The following NTRK2 variants were observed in gnomAD, a reference collection of about 807,000 sequenced individuals.
NTRK2 encodes BDNF/NT-3 growth factors receptor.
A neutral mutation model predicts 94.5 loss-of-function variants in NTRK2; 13 were observed. The ratio of observed to expected loss-of-function variants is 0.14; its 90% CI spans 0.09 to 0.22. The LOEUF (loss-of-function observed/expected upper bound fraction) is 0.22, where lower values mean the gene tolerates loss of function less well. Among genes scored for constraint, NTRK2 ranks in the 10% least tolerant of loss-of-function variants. The pLI is 1.00. For missense variants in NTRK2, 639 were observed against 1,071.2 expected (o/e 0.60, Z 5.63); for synonymous variants, 372 against 407.4 (o/e 0.91, Z 1.05).
At chr9:84,847,206 T>A (rs1166348990) in intron 12 of NTRK2, among the ~76,000 whole-genome samples, 1 of 152,180 alleles carries the variant, frequency 6.6e-6, no homozygotes, top group Non-Finnish European at 1.5e-5. Flanking sequence ...AACAGGCCAA[T>A]TCAACATTAG....
intron 17 of NTRK2, among the ~76,000 whole-genome samples, chr9:84,990,901 C>T (rs1304840500): frequency 1.3e-5 from 2 of 152,132 alleles, no homozygotes; most frequent in Non-Finnish European, 2.9e-5. Flanking sequence ...GGATCACCCC[C>T]ACCCCTCACT....
intron 12 of NTRK2, among the ~76,000 whole-genome samples, chr9:84,779,671 C>T (rs1007376149): frequency 1.6e-4 from 25 of 152,132 alleles, no homozygotes; most frequent in African/African-American, 6.0e-4. Flanking sequence ...AAGAACATCA[C>T]AGTAGTTGTG....
intron 12 of NTRK2, among the ~76,000 whole-genome samples, chr9:84,805,024 G>T (rs781141051): frequency 4.6e-5 from 7 of 152,152 alleles, no homozygotes; most frequent in African/African-American, 1.4e-4. Context: ...ATGGGGCAAT[G>T]GTATCAGTCT....
intron 14 of NTRK2, among the ~76,000 whole-genome samples, chr9:84,903,315 G>C (rs114540757): frequency 0.012 from 1,877 of 152,290 alleles, 42 homozygotes; most frequent in African/African-American, 0.043. Context: ...CTGGAAGGCA[G>C]CTTTTGCTGC....
At chr9:84,874,105 A>G in intron 14 of NTRK2, 2 of 1,064,680 alleles carry the variant, frequency 1.9e-6, no homozygotes, top group Non-Finnish European at 2.3e-6. Flanking sequence ...GAGTGTGTGT[A>G]CCAACAGGAT....
intron 12 of NTRK2, among the ~76,000 whole-genome samples, chr9:84,848,192 A>G (rs979441872): frequency 7.9e-5 from 12 of 152,098 alleles, no homozygotes; most frequent in African/African-American, 2.4e-4. Context: ...GAACTCATTT[A>G]CCTTAATTAC....
chr9:84,895,699 G>A (rs914512416), intron 14 of NTRK2, among the ~76,000 whole-genome samples: 3 of 152,210 alleles, frequency 2.0e-5, no homozygotes, highest in South Asian at 2.1e-4. Context: ...TGAGCAAATC[G>A]ATAGAGTGTT....
intron 9 of NTRK2, among the ~76,000 whole-genome samples, chr9:84,739,328 G>T (rs781519947): frequency 5.9e-5 from 9 of 152,332 alleles, no homozygotes; most frequent in Non-Finnish European, 1.3e-4. Flanking sequence ...TGGGATTACA[G>T]GTGTGAGTCA....
intron 2 of NTRK2, among the ~76,000 whole-genome samples, chr9:84,693,188 C>T (rs1281785469): frequency 6.6e-6 from 1 of 152,176 alleles, no homozygotes; most frequent in Non-Finnish European, 1.5e-5. Flanking sequence ...ATCCCGACCA[C>T]GTGCTTTTGA....
chr9:84,691,231 C>T (rs988693011), intron 2 of NTRK2, among the ~76,000 whole-genome samples: 41 of 152,172 alleles, frequency 2.7e-4, no homozygotes, highest in African/African-American at 2.7e-4. Flanking sequence ...AGTGATGTAA[C>T]GCACAGTTTT....
At position 84,727,908 on chromosome 9, in the gene NTRK2, G is replaced by T. The variant is rs2062572285; in HGVS notation, c.1108G>T (p.Asp370Tyr). The T allele has an allele frequency of 1.2e-6, 2 of 1,614,104 alleles. No homozygotes were observed. Among genetic ancestry groups the T allele is most frequent in the South Asian group, 1.1e-5 (1 of 91,086 alleles). Residue 370 changes from aspartate (D) to tyrosine (Y), a missense_variant, in exon 9 of 19, where the codon GAT (aspartate) becomes TAT (tyrosine). By Grantham distance (160) the Asp-to-Tyr change is radical. Transcript: ENST00000277120. ...TLIAKNEYGK[D>Y]EKQISAHFMG... ...AATAGCCAAGAATGAGTATGGGAAG[G>T]ATGAGAAACAGATTTCTGCTCACTT...
chr9:84,784,457 T>C (rs2067925767), intron 12 of NTRK2, among the ~76,000 whole-genome samples: 2 of 152,172 alleles, frequency 1.3e-5, no homozygotes, highest in African/African-American at 4.8e-5. Context: ...TACTCTTTCT[T>C]CATGGTGCTG....
At position 84,758,149 on chromosome 9, in the gene NTRK2, C is replaced by A. The variant is rs142487277; in HGVS notation, c.1396+6064C>A. ...AATTATATATATATATTTATTTATT[C>A]ATGATATTTGTGGCTCATATTTTCT... On this transcript the variant is annotated intron_variant, in intron 12 of 18. Coordinates refer to ENST00000277120, the MANE Select transcript of NTRK2 (RefSeq NM_006180.6). Among the ~76,000 whole-genome samples the A allele has an allele frequency of 5.0e-4, 75 of 151,386 alleles. 1 individual carries two copies. The highest frequency in any genetic ancestry group is 1.8e-3 in the African/African-American group (73 of 41,364).
chr9:84,957,448 C>T (rs1824281001), intron 17 of NTRK2, among the ~76,000 whole-genome samples: 1 of 152,126 alleles, frequency 6.6e-6, no homozygotes, highest in African/African-American at 2.4e-5. Context: ...GGAGAAGGTT[C>T]TGAATAGACA....
chr9:84,967,445 C>G (rs1054433646), intron 17 of NTRK2, among the ~76,000 whole-genome samples: 1 of 152,218 alleles, frequency 6.6e-6, no homozygotes, highest in Non-Finnish European at 1.5e-5. Flanking sequence ...GTCAAGGTAT[C>G]CTTGTGGGTG....
chr9:84,724,522 T>G (rs1359205308), intron 8 of NTRK2, among the ~76,000 whole-genome samples, 166 bp downstream of exon 8: 1 of 152,250 alleles, frequency 6.6e-6, no homozygotes, highest in African/African-American at 2.4e-5. Context: ...TACTGTTCAA[T>G]TTCTGCTTAA....
chr9:84,726,441 C>T (rs944742756), intron 8 of NTRK2, among the ~76,000 whole-genome samples: 2 of 152,160 alleles, frequency 1.3e-5, no homozygotes, highest in African/African-American at 4.8e-5. Flanking sequence ...AAGCTGTGAT[C>T]GTGCCACTGC....
At chr9:84,752,620 A>G (rs766222242) in intron 12 of NTRK2, among the ~76,000 whole-genome samples, 1 of 152,154 alleles carries the variant, frequency 6.6e-6, no homozygotes, top group Non-Finnish European at 1.5e-5. Flanking sequence ...TTTTTTATTT[A>G]AGTGGAAAAA....
intron 12 of NTRK2, chr9:84,814,751 C>A: frequency 9.4e-7 from 1 of 1,064,288 alleles, no homozygotes; most frequent in Non-Finnish European, 1.1e-6. Flanking sequence ...GGACTGAGGA[C>A]AAGCAATTCC....
Sources: gnomAD v4.1 joint callset for allele counts (sites outside exome capture counted in the v4.1 genomes callset) on GRCh38, gnomAD v4.1.1 for gene constraint, MANE v1.5 for transcripts, NCBI Gene and HGNC (gene_info 2026-07-23, HGNC 2026-07-21) for gene names.